The following FRA10AC1 variants were observed in gnomAD, a reference collection of about 807,000 sequenced individuals.
FRA10AC1 encodes protein FRA10AC1.
In FRA10AC1, 43 loss-of-function variants were observed where a neutral mutation model predicts 56.5. The ratio of observed to expected loss-of-function variants is 0.76; its 90% CI spans 0.60 to 0.98. The LOEUF (loss-of-function observed/expected upper bound fraction) is 0.98. FRA10AC1 is among the 50% of genes least tolerant of loss of function. FRA10AC1 has a pLI of 0.00. For missense variants in FRA10AC1, 346 were observed against 351.8 expected (o/e 0.98, Z 0.13); for synonymous variants, 112 against 110.5 (o/e 1.01, Z -0.09).
chr10:93,672,680 A>G (rs2058781168), intron 12 of FRA10AC1: 1 of 152,220 alleles, frequency 6.6e-6, no homozygotes, highest in South Asian at 2.1e-4. Context: ...TAAAAAATCA[A>G]GTCAGTTTAG....
upstream of FRA10AC1, chr10:93,702,921 C>CTG: frequency 2.2e-6 from 1 of 445,262 alleles, no homozygotes; most frequent in Admixed American, 2.5e-5. Context: ...CTCGGAGGAT[C>CTG]CTCTCAGAGC....
intron 12 of FRA10AC1, 68 bp downstream of exon 12, chr10:93,676,585 T>G: frequency 6.7e-7 from 1 of 1,488,872 alleles, no homozygotes; most frequent in Non-Finnish European, 8.9e-7. Flanking sequence ...CAAGATACGA[T>G]TCATGGGAAA....
intron 10 of FRA10AC1, among the ~76,000 whole-genome samples, chr10:93,683,768 A>G (rs932491834): frequency 2.0e-5 from 3 of 152,224 alleles, no homozygotes; most frequent in Non-Finnish European, 4.4e-5. Flanking sequence ...TCTGCTTTAC[A>G]ACATAATTTC....
intron 5 of FRA10AC1, 25 bp from the exon 6 acceptor site, chr10:93,692,754 T>A: frequency 6.7e-7 from 1 of 1,499,226 alleles, no homozygotes; most frequent in Non-Finnish European, 9.0e-7. Context: ...TTTTTCAATT[T>A]AATACAAAAA....
At position 93,668,302 on chromosome 10, in the gene FRA10AC1, T is replaced by G. The variant is rs1384864100; in HGVS notation, c.*1524A>C. On this transcript the variant is annotated 3_prime_UTR_variant, in exon 14 of 14. Transcript: ENST00000359204. ...TCTTCTCCTATATCTATCCATCTAT[T>G]TGCTCTTTATAAAAGCAGATCTTTG... 6.6e-6 allele frequency: 1 copy of G among 152,164 alleles called. No individual in the cohort carries two copies. The highest frequency in any genetic ancestry group is 2.4e-5 in the African/African-American group (1 of 41,446). 9.4% of individuals were successfully genotyped at this position (152,164 alleles called of 1,614,324 possible). A position where few individuals can be genotyped will look rare whatever the true frequency, so the allele number is the denominator to read the frequency against.
intron 7 of FRA10AC1, among the ~76,000 whole-genome samples, chr10:93,691,054 T>C (rs543222644): frequency 7.9e-5 from 12 of 152,322 alleles, no homozygotes; most frequent in African/African-American, 2.6e-4. Context: ...ATAGGTTTTT[T>C]TCTTAATACA....
intron 4 of FRA10AC1, among the ~76,000 whole-genome samples, chr10:93,696,350 T>C (rs1476117233): frequency 1.3e-5 from 2 of 152,156 alleles, no homozygotes; most frequent in African/African-American, 2.4e-5. Flanking sequence ...AGAGTCAGCC[T>C]AGCAAGACAA....
chr10:93,698,504 T>G (rs1215635044), intron 2 of FRA10AC1, 108 bp from the exon 3 acceptor site: 2 of 597,374 alleles, frequency 3.3e-6, no homozygotes, highest in Non-Finnish European at 5.7e-6. Flanking sequence ...GTCTTAACTT[T>G]AAGAAGACTC....
intron 10 of FRA10AC1, 73 bp from the exon 11 acceptor site, chr10:93,681,671 C>CA: frequency 7.7e-7 from 1 of 1,305,630 alleles, no homozygotes; most frequent in Non-Finnish European, 1.0e-6. Context: ...ATCATATGAA[C>CA]AAAAAACCAA....
At chr10:93,685,125 G>GA (rs1006859758) in intron 9 of FRA10AC1, 121 bp downstream of exon 9, 11 of 600,604 alleles carry the variant, frequency 1.8e-5, no homozygotes, top group African/African-American at 1.6e-4. Context: ...GAAGCTCCAA[G>GA]AAAAAAGAGC....
intron 10 of FRA10AC1, among the ~76,000 whole-genome samples, chr10:93,683,365 T>C (rs1271192728): frequency 6.6e-6 from 1 of 152,176 alleles, no homozygotes. Flanking sequence ...ACTTTTTTTT[T>C]TTTTGAGACA....
At chr10:93,694,058 G>A (rs998750004) in intron 5 of FRA10AC1, among the ~76,000 whole-genome samples, 3 of 151,564 alleles carry the variant, frequency 2.0e-5, no homozygotes, top group African/African-American at 7.3e-5. Context: ...AAAACCACCT[G>A]TACCTCAAAA....
chr10:93,685,505 C>A, intron 8 of FRA10AC1, 146 bp from the exon 9 acceptor site: 1 of 505,030 alleles, frequency 2.0e-6, no homozygotes, highest in African/African-American at 2.0e-5. Flanking sequence ...TATGTTCAAC[C>A]AACTTGTATA....
intron 12 of FRA10AC1, chr10:93,671,197 A>G: frequency 1.0e-5 from 2 of 193,324 alleles, no homozygotes; most frequent in South Asian, 2.1e-4. Context: ...GTTACACAGA[A>G]GACACGCAAG....
chr10:93,681,573 T>C lies in FRA10AC1; in HGVS notation c.694A>G (p.Arg232Gly), dbSNP rs746694549. The change falls in exon 11 of 14, where the codon AGA becomes GGA. Residue 232 changes from arginine (R) to glycine (G), a missense_variant. Arg to Gly is a moderately radical substitution (Grantham distance 125). Coordinates refer to ENST00000359204, the MANE Select transcript of FRA10AC1 (RefSeq NM_145246.5). ...CAGTCTTTTTTGGTTTTATCTTTTC[T>C]TTTTTTTGACTTGATTTCTTTTCTC... Reference protein sequence around the residue: ...HRRKEIKSKKRKDKTKKDCEE... With the variant: ...HRRKEIKSKKGKDKTKKDCEE... The C allele has an allele frequency of 1.3e-6, 2 of 1,521,922 alleles. No individual in the cohort carries two copies. Among genetic ancestry groups the C allele is most frequent in the South Asian group, 2.5e-5 (2 of 79,754 alleles). The allele number at this position is 1,521,922 out of a possible 1,614,324, so 94.3% of individuals were successfully genotyped here.
At chr10:93,690,635 AC>A (rs2059110111) in intron 7 of FRA10AC1, among the ~76,000 whole-genome samples, 1 of 152,186 alleles carries the variant, frequency 6.6e-6, no homozygotes, top group East Asian at 1.9e-4. Flanking sequence ...AAAAAAAACA[AC>A]AACTTAAGAA....
intron 11 of FRA10AC1, among the ~76,000 whole-genome samples, chr10:93,680,529 A>G (rs10509663): frequency 0.11 from 16,586 of 152,192 alleles, 1,422 homozygotes; most frequent in East Asian, 0.23. Flanking sequence ...CATAATGAAT[A>G]TATTACCATG....
At position 93,676,686 on chromosome 10, in the gene FRA10AC1, A is replaced by T; in HGVS notation, c.793T>A (p.Ser265Thr). The change falls in exon 12 of 14, where the codon TCA (serine) becomes ACA (threonine). Residue 265 changes from serine to threonine, a missense_variant. By Grantham distance (58) the Ser-to-Thr change is moderately conservative. Transcript: ENST00000359204. ...GAATCTTCAGATTTCTTTGAAGATG[A>T]ATGTCCTGAAAAGGAAACATCATTG... is the stretch of plus-strand genomic sequence containing the variant. ...EASKKKDKGHSSSKKSEDSLL... is the reference protein window; with the variant it reads ...EASKKKDKGHTSSKKSEDSLL... 1 of 1,568,580 alleles carries T rather than the reference A, an allele frequency of 6.4e-7. No individual in the cohort carries two copies. Among genetic ancestry groups the T allele is most frequent in the Non-Finnish European group, 8.6e-7 (1 of 1,161,870 alleles).
At chr10:93,675,559 G>A (rs899312837) in intron 12 of FRA10AC1, 1 of 216,786 alleles carries the variant, frequency 4.6e-6, no homozygotes, top group South Asian at 4.9e-5. Context: ...ACAAAAATTA[G>A]CTGGGCATAG....
Sources: gnomAD v4.1 joint callset for allele counts (sites outside exome capture counted in the v4.1 genomes callset) on GRCh38, gnomAD v4.1.1 for gene constraint, MANE v1.5 for transcripts, NCBI Gene and HGNC (gene_info 2026-07-23, HGNC 2026-07-21) for gene names.